The following ERC2 variants were observed in gnomAD, a reference collection of about 807,000 sequenced individuals.
ERC2 encodes ELKS/RAB6-interacting/CAST family member 2.
ERC2 carries 42 observed loss-of-function variants against 114.8 expected under a neutral mutation model. The observed-to-expected ratio is 0.37, with a 90% CI of 0.29 to 0.47. The LOEUF (loss-of-function observed/expected upper bound fraction) is 0.47. ERC2 is among the 20% of genes least tolerant of loss of function. The pLI, the probability that ERC2 is intolerant of heterozygous loss-of-function variation, is 0.99. For missense variants in ERC2, 939 were observed against 1,150.7 expected (o/e 0.82, Z 2.66); for synonymous variants, 454 against 425.5 (o/e 1.07, Z -0.82).
intron 14 of ERC2, among the ~76,000 whole-genome samples, chr3:55,772,378 G>C (rs954233831): frequency 6.6e-5 from 10 of 151,628 alleles, no homozygotes; most frequent in Non-Finnish European, 1.2e-4. Flanking sequence ...GCAGTGGCGC[G>C]ATCTCGGCTC....
intron 17 of ERC2, among the ~76,000 whole-genome samples, chr3:55,630,450 T>C (rs1396316969): frequency 6.6e-6 from 1 of 152,192 alleles, no homozygotes; most frequent in African/African-American, 2.4e-5. Flanking sequence ...ATTACAGGTG[T>C]GAGCCACCAC....
intron 14 of ERC2, among the ~76,000 whole-genome samples, chr3:55,825,456 G>A (rs1414252450): frequency 6.6e-6 from 1 of 152,178 alleles, no homozygotes; most frequent in African/African-American, 2.4e-5. Context: ...TTCCAGACTT[G>A]CCACAAAGAG....
intron 17 of ERC2, among the ~76,000 whole-genome samples, chr3:55,512,679 T>A (rs1190910511): frequency 6.6e-6 from 1 of 152,194 alleles, no homozygotes; most frequent in Non-Finnish European, 1.5e-5. Flanking sequence ...CAAGATAAAG[T>A]AGCAAAGAAC....
intron 17 of ERC2, among the ~76,000 whole-genome samples, chr3:55,556,768 G>A (rs2055641349): frequency 6.6e-6 from 1 of 152,192 alleles, no homozygotes; most frequent in Non-Finnish European, 1.5e-5. Flanking sequence ...CATGCATGAA[G>A]GCGGGTCTCA....
intron 2 of ERC2, among the ~76,000 whole-genome samples, chr3:56,415,848 T>C (rs922319281): frequency 6.6e-6 from 1 of 152,122 alleles, no homozygotes; most frequent in Non-Finnish European, 1.5e-5. Flanking sequence ...GCACAACAAA[T>C]AGGACAGCCA....
intron 3 of ERC2, among the ~76,000 whole-genome samples, chr3:56,236,278 A>T (rs1363699077): frequency 6.6e-6 from 1 of 150,764 alleles, no homozygotes; most frequent in African/African-American, 2.4e-5. Flanking sequence ...ATTTCGATAC[A>T]TTTTTTTTTT....
At chr3:55,596,682 A>G (rs547853109) in intron 17 of ERC2, among the ~76,000 whole-genome samples, 1 of 152,358 alleles carries the variant, frequency 6.6e-6, no homozygotes, top group East Asian at 1.9e-4. Context: ...AAAGGTTGGA[A>G]GAAATATGCA....
intron 6 of ERC2, among the ~76,000 whole-genome samples, chr3:56,137,881 T>A (rs903308866): frequency 6.6e-6 from 1 of 152,196 alleles, no homozygotes; most frequent in Non-Finnish European, 1.5e-5. Flanking sequence ...AATAGCCACA[T>A]GTGGCTACAG....
At chr3:56,465,912 G>C (rs1219662750) in intron 1 of ERC2, among the ~76,000 whole-genome samples, 1 of 152,246 alleles carries the variant, frequency 6.6e-6, no homozygotes, top group Admixed American at 6.5e-5. Flanking sequence ...CCACACTTCA[G>C]ACTGGACACA....
intron 14 of ERC2, among the ~76,000 whole-genome samples, chr3:55,868,232 A>C (rs1302206082): frequency 6.6e-6 from 1 of 152,196 alleles, no homozygotes; most frequent in Non-Finnish European, 1.5e-5. Context: ...ACTGTGCACA[A>C]ACACAAGTGC....
At chr3:55,626,307 T>C (rs1270091046) in intron 17 of ERC2, among the ~76,000 whole-genome samples, 1 of 152,172 alleles carries the variant, frequency 6.6e-6, no homozygotes, top group Non-Finnish European at 1.5e-5. Context: ...GGCAAATGAC[T>C]TGGTACTGAT....
intron 3 of ERC2, among the ~76,000 whole-genome samples, chr3:56,278,390 A>G (rs1210898454): frequency 6.6e-6 from 1 of 152,216 alleles, no homozygotes; most frequent in Non-Finnish European, 1.5e-5. Flanking sequence ...AATACTCTTC[A>G]AGGGTGCCAA....
At chr3:55,519,107 A>G (rs1424806332) in intron 17 of ERC2, among the ~76,000 whole-genome samples, 2 of 152,182 alleles carry the variant, frequency 1.3e-5, no homozygotes, top group African/African-American at 2.4e-5. Context: ...TAGCGCCGGT[A>G]CCTCTGCTCT....
chr3:56,193,941 T>A (rs185841779), intron 3 of ERC2, among the ~76,000 whole-genome samples: 1 of 152,318 alleles, frequency 6.6e-6, no homozygotes, highest in African/African-American at 2.4e-5. Flanking sequence ...TTCTGGTGAG[T>A]TAGACAGGGC....
chr3:56,199,121 G>A (rs962118082), intron 3 of ERC2, among the ~76,000 whole-genome samples: 1 of 152,182 alleles, frequency 6.6e-6, no homozygotes, highest in Non-Finnish European at 1.5e-5. Context: ...GGGTAAGGCA[G>A]CTGAAAACAA....
At chr3:56,299,477 T>G (rs1268869691) in intron 2 of ERC2, among the ~76,000 whole-genome samples, 1 of 151,146 alleles carries the variant, frequency 6.6e-6, no homozygotes, top group Admixed American at 6.6e-5. Context: ...GTCCCCAGGC[T>G]GAAGTGCAGT....
intron 12 of ERC2, 120 bp downstream of exon 12, chr3:55,985,857 C>A (rs765374339): frequency 5.9e-6 from 5 of 847,102 alleles, no homozygotes; most frequent in Non-Finnish European, 7.6e-6. Flanking sequence ...ATGAAATGAG[C>A]GGGGGGAAAT....
intron 6 of ERC2, among the ~76,000 whole-genome samples, chr3:56,101,751 G>T (rs2078370669): frequency 6.6e-6 from 1 of 152,126 alleles, no homozygotes; most frequent in Admixed American, 6.5e-5. Flanking sequence ...TAATATAGAG[G>T]AAGTCATCCA....
intron 17 of ERC2, chr3:55,612,573 T>C (rs1467128565): frequency 6.6e-6 from 1 of 152,236 alleles, no homozygotes; most frequent in Non-Finnish European, 1.5e-5. Context: ...GTGTTCATGC[T>C]TATATACTTT....
Sources: gnomAD v4.1 joint callset for allele counts (sites outside exome capture counted in the v4.1 genomes callset) on GRCh38, gnomAD v4.1.1 for gene constraint, MANE v1.5 for transcripts, NCBI Gene and HGNC (gene_info 2026-07-23, HGNC 2026-07-21) for gene names.